Variants in ZNF106 observed in about 807,000 individuals in gnomAD.
The protein encoded by ZNF106 is zinc finger protein 106, also known as SH3-domain binding protein 3.
A neutral mutation model predicts 195.1 loss-of-function variants in ZNF106; 67 were observed. That is an observed-to-expected ratio of 0.34 (90% CI 0.28 to 0.42). The LOEUF (loss-of-function observed/expected upper bound fraction) is 0.42, where lower values mean the gene tolerates loss of function less well. Among genes scored for constraint, ZNF106 ranks in the 10% least tolerant of loss-of-function variants. ZNF106 has a pLI of 1.00. For missense variants in ZNF106, 2,118 were observed against 2,304.5 expected, an observed-to-expected ratio of 0.92 and a Z score of 1.66; for synonymous variants, 784 against 818.6, an observed-to-expected ratio of 0.96 and a Z score of 0.72.
intron 20 of ZNF106, 39 bp from the exon 21 acceptor site, chr15:42,417,990 G>C: frequency 6.2e-7 from 1 of 1,602,128 alleles, no homozygotes; most frequent in Non-Finnish European, 8.5e-7. Flanking sequence ...GTGAAAAAGG[G>C]TGCAGTGAAC....
rs2055635473 is a variant in ZNF106, at chr15:42,443,531, T to A, written c.3421+671A>T. The stretch of plus-strand genomic sequence containing the variant: ...TATATAACTTTTTATAACCTTTAAA[T>A]TTTTACAATTTAAATCATAATTTTA... On this transcript the variant is annotated intron_variant, in intron 9 of 21. Coordinates refer to ENST00000564754, the MANE Select transcript of ZNF106 (RefSeq NM_001366845.3). 3.3e-5 allele frequency among the ~76,000 whole-genome samples: 5 copies of A among 151,974 alleles called. No individual in the cohort carries two copies. The South Asian group carries it at 1.0e-3, about 32-fold the overall frequency.
Sources: gnomAD v4.1 joint callset for allele counts (sites outside exome capture counted in the v4.1 genomes callset) on GRCh38, gnomAD v4.1.1 for gene constraint, MANE v1.5 for transcripts, NCBI Gene and HGNC (gene_info 2026-07-23, HGNC 2026-07-21) for gene names.